PEPD: variants seen among roughly 807,000 people sequenced by gnomAD.
PEPD encodes the protein xaa-Pro dipeptidase.
In PEPD, 53 loss-of-function variants were observed where a neutral mutation model predicts 60.7. The ratio of observed to expected loss-of-function variants is 0.87; its 90% CI spans 0.70 to 1.10. The LOEUF (loss-of-function observed/expected upper bound fraction) is 1.10, where lower values mean the gene tolerates loss of function less well. Ranked by LOEUF, PEPD falls within the 50% of genes least tolerant of loss-of-function variation. PEPD has a pLI of 0.00. For synonymous variants in PEPD, 267 were observed against 284.1 expected (o/e 0.94, Z 0.60); for missense variants, 711 against 711.9 (o/e 1.00, Z 0.01).
At chr19:33,438,648 A>G (rs1273132747) in intron 9 of PEPD, among the ~76,000 whole-genome samples, 1 of 152,222 alleles carries the variant, frequency 6.6e-6, no homozygotes, top group Non-Finnish European at 1.5e-5. Context: ...ATTCTCCCCA[A>G]GCTTTCTCCT....
intron 9 of PEPD, among the ~76,000 whole-genome samples, chr19:33,439,599 C>T (rs868545469): frequency 2.6e-5 from 4 of 152,292 alleles, no homozygotes; most frequent in Middle Eastern, 3.4e-3. Context: ...TTTGCTTTAG[C>T]TCCTTGGGAG....
At chr19:33,464,130 G>A (rs1600137265) in intron 7 of PEPD, 68 bp from the exon 8 acceptor site, 13 of 1,126,480 alleles carry the variant, frequency 1.2e-5, no homozygotes, top group South Asian at 1.3e-5. Flanking sequence ...ACCCCTCCAG[G>A]GAGAGCTCAG....
At chr19:33,449,303 T>A (rs896676937) in intron 9 of PEPD, among the ~76,000 whole-genome samples, 3 of 152,204 alleles carry the variant, frequency 2.0e-5, no homozygotes, top group Non-Finnish European at 2.9e-5. Context: ...CTTCTGGGCC[T>A]GAGCAATTTC....
intron 13 of PEPD, among the ~76,000 whole-genome samples, chr19:33,390,996 GC>G (rs1319461023): frequency 6.6e-6 from 1 of 152,130 alleles, no homozygotes; most frequent in Non-Finnish European, 1.5e-5. Context: ...GTCCTGTGGG[GC>G]CCCATGCACC....
chr19:33,493,454 G>A, intron 4 of PEPD, 117 bp from the exon 5 acceptor site: 1 of 781,594 alleles, frequency 1.3e-6, no homozygotes. Flanking sequence ...ATTAGAACAG[G>A]CGACGTGGGC....
At chr19:33,470,400 T>C (rs35132399) in intron 7 of PEPD, among the ~76,000 whole-genome samples, 63,643 of 151,728 alleles carry the variant, frequency 0.42, 14,156 homozygotes, top group African/African-American at 0.57. Context: ...ACTCACCCCA[T>C]GTGCTCTCCC....
chr19:33,427,369 G>A (rs1210446046), intron 9 of PEPD, among the ~76,000 whole-genome samples: 1 of 152,230 alleles, frequency 6.6e-6, no homozygotes. Flanking sequence ...CACAGAGGTA[G>A]GAGATGGGGG....
Position 33,387,147 on chromosome 19 carries a change from G to A in PEPD, c.*197C>T, listed in dbSNP as rs1474668047. On this transcript the variant is annotated 3_prime_UTR_variant, in exon 15 of 15. Coordinates refer to ENST00000244137, the MANE Select transcript of PEPD (RefSeq NM_000285.4). ...AAGCAAGGTATAAAACAGATTAAAG[G>A]TGGGAGCCTGCAAAAGGGTAATTAA... 1.6e-6 allele frequency: 1 copy of A among 613,472 alleles called. No homozygotes were observed. The highest frequency in any genetic ancestry group is 1.9e-5 in the South Asian group (1 of 51,284). 38.0% of individuals were successfully genotyped at this position (613,472 alleles called of 1,614,324 possible).
intron 12 of PEPD, among the ~76,000 whole-genome samples, chr19:33,401,038 G>A (rs1414690020): frequency 6.6e-6 from 1 of 152,308 alleles, no homozygotes; most frequent in African/African-American, 2.4e-5. Context: ...GGCGCGCGGT[G>A]GGAGGTCAAG....
intron 1 of PEPD, 124 bp downstream of exon 1, chr19:33,521,620 C>A (rs924222368): frequency 1.8e-6 from 2 of 1,089,102 alleles, no homozygotes; most frequent in Non-Finnish European, 2.7e-6. Flanking sequence ...TCCGGGCCAA[C>A]GGGAAGAGGC....
intron 9 of PEPD, among the ~76,000 whole-genome samples, chr19:33,461,819 G>A (rs1384358411): frequency 6.6e-6 from 1 of 152,208 alleles, no homozygotes; most frequent in Non-Finnish European, 1.5e-5. Context: ...ATAGCTCTGC[G>A]AGCCCTTCTC....
At chr19:33,504,055 G>T (rs1190801378) in intron 3 of PEPD, among the ~76,000 whole-genome samples, 1 of 152,194 alleles carries the variant, frequency 6.6e-6, no homozygotes, top group East Asian at 1.9e-4. Context: ...GATACAACCT[G>T]AAAAGCTGCA....
chr19:33,448,786 C>T (rs996489809), intron 9 of PEPD, among the ~76,000 whole-genome samples: 6 of 152,216 alleles, frequency 3.9e-5, no homozygotes, highest in Admixed American at 2.0e-4. Context: ...TTCCAGCCCA[C>T]GGTTACCAGC....
At chr19:33,466,034 A>G (rs1457973740) in intron 7 of PEPD, among the ~76,000 whole-genome samples, 2 of 152,212 alleles carry the variant, frequency 1.3e-5, no homozygotes, top group African/African-American at 4.8e-5. Flanking sequence ...AGTCAATCCA[A>G]AAGTATAATT....
chr19:33,393,181 G>A (rs1236846628), intron 12 of PEPD, among the ~76,000 whole-genome samples: 3 of 151,682 alleles, frequency 2.0e-5, no homozygotes, highest in African/African-American at 4.9e-5. Flanking sequence ...GGGGTCTGGC[G>A]TGGGGGAGGC....
chr19:33,413,614 C>A lies in PEPD; in HGVS notation c.701G>T (p.Gly234Val). The A allele has an allele frequency of 6.3e-7, 1 of 1,588,542 alleles. No individual in the cohort carries two copies. Among genetic ancestry groups the A allele is most frequent in the Non-Finnish European group, 8.6e-7 (1 of 1,167,018 alleles). Residue 234 changes from glycine (G) to valine (V), a missense_variant, in exon 10 of 15, where the codon GGC becomes GTC. Coordinates refer to ENST00000244137, the MANE Select transcript of PEPD (RefSeq NM_000285.4). ...GGTGTAGGAGCTGTGGCGCATGCCG[C>A]CCCGGGAGTAGCAGTAGTGCTCGAA... ...SLFEHYCYSR[G>V]GMRHSSYTCI...
chr19:33,505,007 G>GCACACA (rs1345537476), intron 3 of PEPD, among the ~76,000 whole-genome samples: 3 of 152,310 alleles, frequency 2.0e-5, no homozygotes, highest in South Asian at 4.1e-4. Flanking sequence ...TGCACACTCT[G>GCACACA]CAGTGACTGC....
At chr19:33,439,639 A>T (rs936755271) in intron 9 of PEPD, among the ~76,000 whole-genome samples, 1 of 152,152 alleles carries the variant, frequency 6.6e-6, no homozygotes, top group Non-Finnish European at 1.5e-5. Context: ...CCCAGGTGGG[A>T]AGGATCCGGC....
At position 33,457,656 on chromosome 19, in the gene PEPD, G is replaced by T. The variant is rs552205258; in HGVS notation, c.671+5339C>A. 1.7e-3 allele frequency among the ~76,000 whole-genome samples: 260 copies of T among 152,316 alleles called. 1 individual carries two copies. Among genetic ancestry groups the T allele is most frequent in the African/African-American group, 6.2e-3 (256 of 41,582 alleles). Reference sequence around the variant, plus strand: ...CTCCCAAGTAGCTGGGACTACAGGCGCCCGACACCTAGCCCAGCTAATTTT... The same window carrying T: ...CTCCCAAGTAGCTGGGACTACAGGCTCCCGACACCTAGCCCAGCTAATTTT... On this transcript the variant is annotated intron_variant, in intron 9 of 14. Transcript: ENST00000244137.
Sources: gnomAD v4.1 joint callset for allele counts (sites outside exome capture counted in the v4.1 genomes callset) on GRCh38, gnomAD v4.1.1 for gene constraint, MANE v1.5 for transcripts, NCBI Gene and HGNC (gene_info 2026-07-23, HGNC 2026-07-21) for gene names.